Variants in TARDBP observed in about 807,000 individuals in gnomAD.
TARDBP encodes the protein TAR DNA binding protein.
TARDBP carries 4 observed loss-of-function variants against 38.3 expected under a neutral mutation model. The observed-to-expected ratio is 0.10, with a 90% CI of 0.05 to 0.24. The LOEUF (loss-of-function observed/expected upper bound fraction) is 0.24, where lower values mean the gene tolerates loss of function less well. TARDBP is among the 10% of genes least tolerant of loss of function. The pLI is 1.00. For missense variants in TARDBP, 202 were observed against 521.9 expected (o/e 0.39, Z 5.97); for synonymous variants, 184 against 183.8 (o/e 1.00, Z -0.01).
intron 1 of TARDBP, among the ~76,000 whole-genome samples, chr1:11,013,235 A>G (rs1024107652): frequency 3.9e-5 from 6 of 152,236 alleles, no homozygotes; most frequent in Non-Finnish European, 7.3e-5. Flanking sequence ...CCTGTTCTTT[A>G]CACCTGGTTC....
intron 2 of TARDBP, 42 bp downstream of exon 2, chr1:11,014,007 T>C (rs1477878049): frequency 1.3e-6 from 2 of 1,588,890 alleles, no homozygotes; most frequent in South Asian, 1.1e-5. Context: ...TGAAGTGTGT[T>C]CAGGTGTGTG....
rs755393183 is a variant in TARDBP, at chr1:11,022,511, G to A, written c.1102G>A (p.Gly368Ser). ...GCAGAGGGAGCCAAACCAGGCCTTC[G>A]GTTCTGGAAATAACTCTTATAGTGG... is the stretch of plus-strand genomic sequence containing the variant. ...NMQREPNQAFGSGNNSYSGSN... is the reference protein window; with the variant it reads ...NMQREPNQAFSSGNNSYSGSN... The change falls in exon 6 of 6, where the codon GGT becomes AGT. Residue 368 changes from glycine to serine, a missense_variant. Around this residue, in one of 5 missense-constraint regions of TARDBP, gnomAD observed 107 missense variants for 190.5 expected, o/e 0.56. Transcript: ENST00000240185. The surrounding 1 kb of genome is among the most constrained non-coding windows in gnomAD (Gnocchi z 4.5). The A allele has an allele frequency of 2.3e-5, 37 of 1,596,004 alleles. No homozygotes were observed. The highest frequency in any genetic ancestry group is 3.4e-5 in the South Asian group (3 of 89,468).
chr1:11,019,146 G>A (rs1643585664), intron 4 of TARDBP: 1 of 464,754 alleles, frequency 2.2e-6, no homozygotes, highest in East Asian at 4.4e-5. Context: ...CAAGTTAATA[G>A]TTTCTTACAT....
downstream of TARDBP, chr1:11,029,632 AT>A (rs1643807007): frequency 1.0e-4 from 5 of 48,550 alleles, no homozygotes; most frequent in African/African-American, 2.4e-4. Context: ...AATTTTTAAA[AT>A]CTTTTTTTTT....
Position 11,022,083 on chromosome 1 carries a change from G to A in TARDBP, c.715-41G>A. ...GTTGCTACTTTAAATATATGAATCA[G>A]TGGTTTAATCTTCTTTGTTTACATC... On this transcript the variant is annotated intron_variant, in intron 5 of 5. Coordinates refer to ENST00000240185, the MANE Select transcript of TARDBP (RefSeq NM_007375.4). This position sits in a 1 kb window ranked among gnomAD's most constrained non-coding sequence, Gnocchi z 4.5. 1.2e-6 allele frequency: 2 copies of A among 1,610,126 alleles called. No homozygotes were observed. Among genetic ancestry groups the A allele is most frequent in the Non-Finnish European group, 1.7e-6 (2 of 1,176,562 alleles).
At chr1:11,019,865 CCT>C (rs1491335511) in intron 4 of TARDBP, among the ~76,000 whole-genome samples, 4 of 149,728 alleles carry the variant, frequency 2.7e-5, no homozygotes, top group Non-Finnish European at 5.9e-5. Context: ...CGCACCTGGC[CCT>C]TTTTTTTTTT....
chr1:11,027,473 A>T (rs1361613057), downstream of TARDBP: 1 of 1,614,038 alleles, frequency 6.2e-7, no homozygotes, highest in East Asian at 2.2e-5. Context: ...GGGCGGATGC[A>T]TCATGTTTTT....
At chr1:11,027,399 G>A (rs748963375), downstream of TARDBP, 5 of 1,614,226 alleles carry the variant, frequency 3.1e-6, no homozygotes, top group Non-Finnish European at 8.5e-7. Context: ...TATAAAAACA[G>A]CTTCAGACCA....
chr1:11,013,912 A>G lies in TARDBP; in HGVS notation c.185A>G (p.His62Arg). 1 of 1,614,232 alleles carries G rather than the reference A, an allele frequency of 6.2e-7. No homozygotes were observed. The highest frequency in any genetic ancestry group is 8.5e-7 in the Non-Finnish European group (1 of 1,180,038). Residue 62 changes from histidine (H) to arginine (R), a missense_variant, in exon 2 of 6, where the codon CAT (histidine) becomes CGT (arginine). Physicochemically the swap from His to Arg is conservative, Grantham distance 29. This residue lies in a region of TARDBP where 71 missense variants were observed against 185.4 expected (regional missense o/e 0.38). Transcript: ENST00000240185. Reference sequence around the variant, plus strand: ...GTCCGGCTGGTAGAAGGAATTCTGCATGCCCCAGATGCTGGCTGGGGAAAT... The same window carrying G: ...GTCCGGCTGGTAGAAGGAATTCTGCGTGCCCCAGATGCTGGCTGGGGAAAT... ...RGVRLVEGIL[H>R]APDAGWGNLV...
intron 2 of TARDBP, 28 bp downstream of exon 2, chr1:11,013,993 A>C: frequency 6.2e-7 from 1 of 1,607,574 alleles, no homozygotes; most frequent in Non-Finnish European, 8.5e-7. Context: ...TTTTGTAATC[A>C]TGCTGAAGTG....
downstream of TARDBP, chr1:11,026,993 T>G (rs1643744617): frequency 1.9e-6 from 3 of 1,595,830 alleles, no homozygotes; most frequent in Non-Finnish European, 2.6e-6. Context: ...AGGACACTAT[T>G]CCTCCCACAA....
rs1435204938 is a variant in TARDBP at position 11,023,016 on chromosome 1, T to G, written c.*362T>G. On this transcript the variant is annotated 3_prime_UTR_variant, in exon 6 of 6. Transcript: ENST00000240185. ...CAAAACGGAAACCATTGATTAGAAC[T>G]ACATTCTTTACCCCTTGTTTTAATT... 2 of 1,426,690 alleles carry G rather than the reference T, an allele frequency of 1.4e-6. No homozygotes were observed. Among genetic ancestry groups the G allele is most frequent in the African/African-American group, 2.9e-5 (2 of 69,320 alleles). The allele number at this position is 1,426,690 out of a possible 1,614,324, so 88.4% of individuals were successfully genotyped here.
In TARDBP at chr1:11,022,666, G is replaced by C. The variant is rs1269295000; in HGVS notation, c.*12G>C. 6.2e-7 allele frequency: 1 copy of C among 1,608,452 alleles called. No individual in the cohort carries two copies. The highest frequency in any genetic ancestry group is 8.5e-7 in the Non-Finnish European group (1 of 1,177,500). ...GCTGGGGAATGTAGACAGTGGGGTT[G>C]TGGTTGGTTGGTATAGAATGGTGGG... is the stretch of plus-strand genomic sequence containing the variant. On this transcript the variant is annotated 3_prime_UTR_variant, in exon 6 of 6. Coordinates refer to ENST00000240185, the MANE Select transcript of TARDBP (RefSeq NM_007375.4). This position sits in a 1 kb window ranked among gnomAD's most constrained non-coding sequence, Gnocchi z 4.5.
chr1:11,030,230 C>G, downstream of TARDBP: 1 of 1,613,534 alleles, frequency 6.2e-7, no homozygotes, highest in Non-Finnish European at 8.5e-7. Context: ...CAGAATCCAT[C>G]AGCCTCACAC....
At chr1:11,020,178 A>G (rs1489620584) in intron 4 of TARDBP, among the ~76,000 whole-genome samples, 1 of 152,174 alleles carries the variant, frequency 6.6e-6, no homozygotes, top group Non-Finnish European at 1.5e-5. Context: ...GAAATTGTGT[A>G]ATGGCTCATG....
intron 3 of TARDBP, 50 bp downstream of exon 3, chr1:11,017,057 C>G: frequency 6.3e-7 from 1 of 1,586,484 alleles, no homozygotes; most frequent in Non-Finnish European, 8.6e-7. Flanking sequence ...GAATGAGTAT[C>G]TAGCATTTAT....
At chr1:11,027,131 TG>T (rs1011387943), downstream of TARDBP, 1 of 1,612,540 alleles carries the variant, frequency 6.2e-7, no homozygotes, top group African/African-American at 1.3e-5. Flanking sequence ...TTGGATAGGG[TG>T]GCTTTTCATA....
downstream of TARDBP, chr1:11,027,506 T>TGG: frequency 6.2e-7 from 1 of 1,614,190 alleles, no homozygotes; most frequent in Non-Finnish European, 8.5e-7. Context: ...CATGAGCAGC[T>TGG]GTTAGGACCC....
At chr1:11,020,922 A>T (rs889860189) in intron 5 of TARDBP, among the ~76,000 whole-genome samples, 2 of 152,082 alleles carry the variant, frequency 1.3e-5, no homozygotes, top group Non-Finnish European at 1.5e-5. Context: ...CAAAAAAAAA[A>T]ATATGTCCCA....
Sources: allele counts gnomAD v4.1 joint callset (sites outside exome capture counted in the v4.1 genomes callset), GRCh38; gene constraint gnomAD v4.1.1; regional missense constraint gnomAD v4.1.1; non-coding constraint Gnocchi (gnomAD v3.1); transcripts MANE v1.5; gene names NCBI Gene and HGNC (gene_info 2026-07-23, HGNC 2026-07-21).